ZNF438: variants seen among roughly 807,000 people sequenced by gnomAD.
ZNF438 encodes the protein zinc finger protein 438.
ZNF438 carries 25 observed loss-of-function variants against 38.0 expected under a neutral mutation model. The ratio of observed to expected loss-of-function variants is 0.66; its 90% confidence interval spans 0.48 to 0.92. The LOEUF (loss-of-function observed/expected upper bound fraction) is 0.92, where lower values mean the gene tolerates loss of function less well. ZNF438 is among the 40% of genes least tolerant of loss of function. The pLI is 0.00. For synonymous variants in ZNF438, 372 were observed against 364.1 expected (o/e 1.02, Z -0.25); for missense variants, 1,007 against 999.6 (o/e 1.01, Z -0.10).
chr10:30,892,722 T>C (rs937912535), intron 3 of ZNF438, among the ~76,000 whole-genome samples: 3 of 152,112 alleles, frequency 2.0e-5, no homozygotes, highest in East Asian at 1.9e-4. Flanking sequence ...CTTTCAGAAA[T>C]GGTTTTATGT....
intron 3 of ZNF438, among the ~76,000 whole-genome samples, chr10:30,900,010 T>C (rs1309181636): frequency 1.3e-5 from 2 of 152,206 alleles, no homozygotes; most frequent in Non-Finnish European, 2.9e-5. Context: ...ACAAAGCAGG[T>C]GCTGGAAAAC....
At chr10:30,848,403 A>G (rs898691555) in intron 5 of ZNF438, 128 bp downstream of exon 6, 35 of 1,111,760 alleles carry the variant, frequency 3.1e-5, no homozygotes, top group Non-Finnish European at 4.2e-5. Context: ...GGAGGTATAC[A>G]TAGCTACTTT....
chr10:30,981,184 A>G (rs2052088021), intron 1 of ZNF438, among the ~76,000 whole-genome samples: 1 of 152,198 alleles, frequency 6.6e-6, no homozygotes, highest in Non-Finnish European at 1.5e-5. Flanking sequence ...TCAGCAATTA[A>G]TCAGGTGACA....
intron 2 of ZNF438, among the ~76,000 whole-genome samples, chr10:30,923,131 A>C (rs1324867986): frequency 3.9e-5 from 6 of 152,218 alleles, no homozygotes; most frequent in Non-Finnish European, 5.9e-5. Flanking sequence ...AACATTATTA[A>C]ATAATCTGTA....
chr10:30,973,584 A>G (rs2050987259), intron 1 of ZNF438, among the ~76,000 whole-genome samples: 1 of 152,202 alleles, frequency 6.6e-6, no homozygotes, highest in Admixed American at 6.5e-5. Flanking sequence ...GTTTACTAAA[A>G]CAAAACACAT....
At chr10:30,910,882 A>C (rs2043014936) in intron 2 of ZNF438, among the ~76,000 whole-genome samples, 1 of 152,076 alleles carries the variant, frequency 6.6e-6, no homozygotes, top group South Asian at 2.1e-4. Context: ...ATCGAAACTA[A>C]AATTTCATAT....
At chr10:30,903,353 A>T (rs2042255029) in intron 3 of ZNF438, among the ~76,000 whole-genome samples, 1 of 152,214 alleles carries the variant, frequency 6.6e-6, no homozygotes, top group South Asian at 2.1e-4. Flanking sequence ...GTCACCTCTC[A>T]GCTTTTAGAA....
intron 3 of ZNF438, among the ~76,000 whole-genome samples, chr10:30,901,668 C>A (rs1265688103): frequency 1.3e-5 from 2 of 151,624 alleles, no homozygotes; most frequent in Non-Finnish European, 2.9e-5. Context: ...GGTCTCACCG[C>A]TCGGCGATAG....
chr10:30,903,103 C>A (rs1352624580), intron 3 of ZNF438, among the ~76,000 whole-genome samples: 2 of 152,198 alleles, frequency 1.3e-5, no homozygotes, highest in Non-Finnish European at 2.9e-5. Flanking sequence ...GTGCGGGGCC[C>A]GCCAAGCCCA....
intron 4 of ZNF438, among the ~76,000 whole-genome samples, chr10:30,869,125 C>A (rs1476210496): frequency 1.3e-5 from 2 of 152,212 alleles, no homozygotes. Flanking sequence ...GTAATCCCAG[C>A]ACTTTGGGAG....
intron 2 of ZNF438, among the ~76,000 whole-genome samples, 172 bp from the exon 4 acceptor site, chr10:30,909,187 C>T (rs2042853548): frequency 6.6e-6 from 1 of 152,050 alleles, no homozygotes; most frequent in Admixed American, 6.6e-5. Context: ...TGAAAGTTTA[C>T]CACTTTAGTA....
chr10:30,998,056 A>G (rs2054234267), intron 1 of ZNF438, among the ~76,000 whole-genome samples: 2 of 152,244 alleles, frequency 1.3e-5, no homozygotes, highest in South Asian at 4.1e-4. Flanking sequence ...TTACCAGCTG[A>G]AAGCATTCTA....
At chr10:30,984,601 T>A (rs997815118) in intron 1 of ZNF438, among the ~76,000 whole-genome samples, 175 bp from the exon 2 acceptor site, 11 of 152,188 alleles carry the variant, frequency 7.2e-5, no homozygotes, top group African/African-American at 2.7e-4. Flanking sequence ...ATGTCTTTAG[T>A]TTAAAAATGA....
At chr10:30,889,808 G>A (rs1291600499) in intron 3 of ZNF438, among the ~76,000 whole-genome samples, 2 of 152,086 alleles carry the variant, frequency 1.3e-5, no homozygotes, top group African/African-American at 2.4e-5. Flanking sequence ...TAAAAACCTG[G>A]GGAACTGAGT....
intron 4 of ZNF438, among the ~76,000 whole-genome samples, chr10:30,853,655 T>C (rs1268265340): frequency 1.3e-5 from 2 of 152,200 alleles, no homozygotes; most frequent in South Asian, 2.1e-4. Flanking sequence ...CTATATCCCA[T>C]TGTGAACTCC....
intron 4 of ZNF438, among the ~76,000 whole-genome samples, chr10:30,851,618 C>T (rs906055697): frequency 1.3e-5 from 2 of 152,200 alleles, no homozygotes; most frequent in Admixed American, 1.3e-4. Flanking sequence ...CTGCAGGGCA[C>T]CCATAATTGA....
chr10:30,878,233 T>G (rs1011560447), intron 3 of ZNF438, among the ~76,000 whole-genome samples: 13 of 152,140 alleles, frequency 8.5e-5, no homozygotes, highest in Non-Finnish European at 1.5e-4. Flanking sequence ...AATGTTGCCT[T>G]TTCCAAAACT....
At chr10:30,848,667 G>C in exon 5 of ZNF438, 1 of 1,614,176 alleles carries the variant, frequency 6.2e-7, no homozygotes, top group Non-Finnish European at 8.5e-7. Flanking sequence ...AAATAGACTC[G>C]GATGTGGCCA....
intron 2 of ZNF438, among the ~76,000 whole-genome samples, chr10:30,940,693 T>C (rs565316076): frequency 1.3e-5 from 2 of 152,310 alleles, no homozygotes; most frequent in East Asian, 3.9e-4. Flanking sequence ...TGGTTCTATA[T>C]GCAGGTTTAT....
Sources: allele counts gnomAD v4.1 joint callset (sites outside exome capture counted in the v4.1 genomes callset), GRCh38; gene constraint gnomAD v4.1.1; transcripts MANE v1.5; gene names NCBI Gene and HGNC (gene_info 2026-07-23, HGNC 2026-07-21).